The following GOLM2 variants were observed in gnomAD, a reference collection of about 807,000 sequenced individuals.
GOLM2 encodes golgi membrane protein 2.
In GOLM2, 26 loss-of-function variants were observed where a neutral mutation model predicts 55.9. That is an observed-to-expected ratio of 0.47 (90% CI 0.34 to 0.65). The LOEUF (loss-of-function observed/expected upper bound fraction) is 0.65, where lower values mean the gene tolerates loss of function less well. Among genes scored for constraint, GOLM2 ranks in the 30% least tolerant of loss-of-function variants. The probability of loss-of-function intolerance (pLI) is 0.01; values close to 1 mark genes in which losing one functional copy is unlikely to be tolerated. For missense variants in GOLM2, 486 were observed against 531.8 expected, an observed-to-expected ratio of 0.91 and a Z score of 0.85; for synonymous variants, 165 against 194.6, an observed-to-expected ratio of 0.85 and a Z score of 1.27.
At chr15:44,318,167 C>A (rs890740292) in intron 1 of GOLM2, among the ~76,000 whole-genome samples, 3 of 152,166 alleles carry the variant, frequency 2.0e-5, no homozygotes, top group Non-Finnish European at 4.4e-5. Flanking sequence ...ACTGAAGTTT[C>A]ATTTTCATGT....
At chr15:44,327,867 C>G (rs1180102302) in intron 2 of GOLM2, among the ~76,000 whole-genome samples, 1 of 152,100 alleles carries the variant, frequency 6.6e-6, no homozygotes, top group Non-Finnish European at 1.5e-5. Context: ...AAATTCAGTC[C>G]TAGTCCAGAA....
intron 9 of GOLM2, 129 bp from the exon 10 acceptor site, chr15:44,413,207 C>T: frequency 3.4e-6 from 2 of 580,374 alleles, no homozygotes; most frequent in South Asian, 5.3e-5. Context: ...AGAAATAGAA[C>T]ACTATTTGTA....
intron 6 of GOLM2, among the ~76,000 whole-genome samples, chr15:44,343,712 C>T: frequency 6.6e-6 from 1 of 151,428 alleles, no homozygotes; most frequent in Middle Eastern, 3.2e-3. Flanking sequence ...GTAATTCCAG[C>T]TACTTGGGAG....
At chr15:44,388,288 A>AT (rs1221491165) in intron 8 of GOLM2, among the ~76,000 whole-genome samples, 1 of 147,352 alleles carries the variant, frequency 6.8e-6, no homozygotes, top group Non-Finnish European at 1.5e-5. Context: ...AAAAAAAAAA[A>AT]AAAATCGTTA....
chr15:44,381,775 T>A lies in GOLM2; in HGVS notation c.1072+799T>A, dbSNP rs894977887. 6.6e-5 allele frequency among the ~76,000 whole-genome samples: 10 copies of A among 152,202 alleles called. 1 individual carries two copies. Among genetic ancestry groups the A allele is most frequent in the Admixed American group, 5.9e-4 (9 of 15,274 alleles). Reference sequence around the variant, plus strand: ...GTAAGCTAATAATTGAACAATGTTATATTTGTGAATTTATTCAAGGTATTT... The same window carrying A: ...GTAAGCTAATAATTGAACAATGTTAAATTTGTGAATTTATTCAAGGTATTT... On this transcript the variant is annotated intron_variant, in intron 8 of 9. Coordinates refer to ENST00000299957, the MANE Select transcript of GOLM2 (RefSeq NM_138423.4).
At chr15:44,291,133 G>A (rs59553911) in intron 1 of GOLM2, among the ~76,000 whole-genome samples, 1,867 of 146,656 alleles carry the variant, frequency 0.013, 53 homozygotes, top group African/African-American at 0.046. Flanking sequence ...TAAAGAGACA[G>A]GGTCTCATTG....
intron 9 of GOLM2, 67 bp from the exon 10 acceptor site, chr15:44,413,269 G>A: frequency 8.8e-7 from 1 of 1,142,162 alleles, no homozygotes. Flanking sequence ...GAAAAACTGA[G>A]ACATTAATTG....
At chr15:44,365,234 G>C (rs1219864348) in intron 6 of GOLM2, among the ~76,000 whole-genome samples, 2 of 152,150 alleles carry the variant, frequency 1.3e-5, no homozygotes, top group Non-Finnish European at 1.5e-5. Flanking sequence ...GACATGAAAA[G>C]ACTTGGAGAA....
intron 1 of GOLM2, among the ~76,000 whole-genome samples, chr15:44,313,281 C>T (rs1000905397): frequency 6.6e-6 from 1 of 152,056 alleles, no homozygotes; most frequent in Admixed American, 6.6e-5. Context: ...TCTTACTTCC[C>T]CTTTCCAGGA....
intron 4 of GOLM2, among the ~76,000 whole-genome samples, chr15:44,333,002 G>A (rs539493079): frequency 1.3e-4 from 20 of 151,998 alleles, no homozygotes; most frequent in Non-Finnish European, 2.5e-4. Context: ...GCGTGATCTC[G>A]GCTCACTGCC....
chr15:44,303,083 A>T (rs1247039298), intron 1 of GOLM2, among the ~76,000 whole-genome samples: 1 of 151,116 alleles, frequency 6.6e-6, no homozygotes, highest in Non-Finnish European at 1.5e-5. Flanking sequence ...AGCCTGGGCG[A>T]CAGAGCAATA....
intron 6 of GOLM2, among the ~76,000 whole-genome samples, chr15:44,341,098 T>G (rs910194232): frequency 6.7e-6 from 1 of 148,150 alleles, no homozygotes; most frequent in Non-Finnish European, 1.5e-5. Context: ...TTTTTTTTTT[T>G]GAGACAGAGT....
intron 9 of GOLM2, among the ~76,000 whole-genome samples, chr15:44,405,594 T>TGTTGTAGA (rs1296374576): frequency 6.6e-6 from 1 of 152,046 alleles, no homozygotes; most frequent in Non-Finnish European, 1.5e-5. Flanking sequence ...TGAATCTTCC[T>TGTTGTAGA]GTTGTAGAGT....
intron 6 of GOLM2, among the ~76,000 whole-genome samples, chr15:44,369,620 G>A (rs1052495906): frequency 6.6e-6 from 1 of 150,902 alleles, no homozygotes; most frequent in African/African-American, 2.4e-5. Flanking sequence ...TCAGGAGTTT[G>A]AGACCAGCCT....
At chr15:44,345,293 G>C (rs1346418895) in intron 6 of GOLM2, among the ~76,000 whole-genome samples, 1 of 146,012 alleles carries the variant, frequency 6.8e-6, no homozygotes, top group Admixed American at 6.8e-5. Context: ...TTTTTTTTGA[G>C]ACAGAGTCTC....
chr15:44,399,465 T>G (rs933071904), intron 8 of GOLM2, among the ~76,000 whole-genome samples: 1 of 152,206 alleles, frequency 6.6e-6, no homozygotes, highest in Non-Finnish European at 1.5e-5. Context: ...TTGTTGATAT[T>G]TTTATTATCT....
chr15:44,388,755 C>G (rs886506921), intron 8 of GOLM2, among the ~76,000 whole-genome samples: 3 of 152,188 alleles, frequency 2.0e-5, no homozygotes, highest in African/African-American at 7.2e-5. Flanking sequence ...TCAAATCATC[C>G]TCCTGCCTTA....
Position 44,319,378 on chromosome 15 carries a change from A to T in GOLM2, c.328-3587A>T, listed in dbSNP as rs368447304. Reference sequence around the variant, plus strand: ...TAGGCATATGCCACCATGCTCGACTAATCTGTTTATTTATTTATTTTTTAT... The same window carrying T: ...TAGGCATATGCCACCATGCTCGACTTATCTGTTTATTTATTTATTTTTTAT... On this transcript the variant is annotated intron_variant, in intron 1 of 9. Transcript: ENST00000299957. 2.8e-4 allele frequency among the ~76,000 whole-genome samples: 42 copies of T among 151,842 alleles called. No homozygotes were observed. In the East Asian group the frequency reaches 5.4e-3, roughly 20 times the overall value.
intron 9 of GOLM2, among the ~76,000 whole-genome samples, chr15:44,412,832 G>A (rs756155353): frequency 6.6e-6 from 1 of 151,762 alleles, no homozygotes; most frequent in Non-Finnish European, 1.5e-5. Flanking sequence ...GTAAAACCCC[G>A]TCTCTACTAA....
Sources: allele counts gnomAD v4.1 joint callset (sites outside exome capture counted in the v4.1 genomes callset), GRCh38; gene constraint gnomAD v4.1.1; transcripts MANE v1.5; gene names NCBI Gene and HGNC (gene_info 2026-07-23, HGNC 2026-07-21).